Variants in GON4L observed in about 807,000 individuals in gnomAD.
GON4L encodes gon-4 like, also known as GON-4-like protein.
GON4L carries 87 observed loss-of-function variants against 211.8 expected under a neutral mutation model. That is an observed-to-expected ratio of 0.41 (90% CI 0.35 to 0.49). The LOEUF (loss-of-function observed/expected upper bound fraction) is 0.49. GON4L is among the 20% of genes least tolerant of loss of function. The probability of loss-of-function intolerance (pLI) is 0.15; values close to 1 mark genes in which losing one functional copy is unlikely to be tolerated. For missense variants in GON4L, 2,155 were observed against 2,659.5 expected (o/e 0.81, Z 4.17); for synonymous variants, 875 against 962.6 (o/e 0.91, Z 1.68).
rs1463278188 is a variant in GON4L, at chr1:155,773,169, G to C, written c.2392C>G (p.Leu798Val). The change falls in exon 18 of 32, where the codon CTG becomes GTG. Residue 798 changes from leucine to valine, a missense_variant. Leu to Val is a conservative substitution (Grantham distance 32). Around this residue, in one of 6 missense-constraint regions of GON4L, gnomAD observed 551 missense variants for 854.0 expected, o/e 0.65. Coordinates refer to ENST00000368331, the MANE Select transcript of GON4L (RefSeq NM_001282860.2). ...PCLPKQVAWI[L>V]ATSKVFMYPE... Reference sequence around the variant, plus strand: ...TACATGAAAACCTTGCTTGTGGCCAGAATCCAAGCCACTTGCTTTGGCAAA... The same window carrying C: ...TACATGAAAACCTTGCTTGTGGCCACAATCCAAGCCACTTGCTTTGGCAAA... 1 of 1,614,078 alleles carries C rather than the reference G, an allele frequency of 6.2e-7. No individual in the cohort carries two copies. The highest frequency in any genetic ancestry group is 1.3e-5 in the African/African-American group (1 of 75,028).
chr1:155,764,602 G>A lies in GON4L; in HGVS notation c.4473+398C>T, dbSNP rs1662231181. ...TTACAGGTGTCCGCCACCATGCCTG[G>A]CTAATTTTTGTTATTTTTAATATAG... is the stretch of plus-strand genomic sequence containing the variant. On this transcript the variant is annotated intron_variant, in intron 21 of 31. Transcript: ENST00000368331. 3 of 413,888 alleles carry A rather than the reference G, an allele frequency of 7.2e-6. No homozygotes were observed. The Admixed American group carries it at 1.1e-4, about 15-fold the overall frequency. The allele number at this position is 413,888 out of a possible 1,614,324, so 25.6% of individuals were successfully genotyped here.
downstream of GON4L, chr1:155,747,776 G>C: frequency 1.9e-6 from 3 of 1,613,878 alleles, no homozygotes; most frequent in Non-Finnish European, 2.5e-6. Flanking sequence ...TCCAGATCCT[G>C]TGTGACCTGC....
Position 155,765,318 on chromosome 1 carries a change from C to G in GON4L, c.4155G>C (p.Gln1385His). Reference sequence around the variant, plus strand: ...GAGAAGATGAAGGGGTTTTAGTTGGCTGACTCCTCTCCTCTTCCTTCTGTA... The same window carrying G: ...GAGAAGATGAAGGGGTTTTAGTTGGGTGACTCCTCTCCTCTTCCTTCTGTA... The part of the protein sequence containing the change: ...TVLQKEEERS[Q>H]PTKTPSSSQE... The change falls in exon 21 of 32, where the codon CAG becomes CAC. Residue 1385 changes from glutamine (Q) to histidine (H), a missense_variant. Physicochemically the swap from Gln to His is conservative, Grantham distance 24. Around this residue, in one of 6 missense-constraint regions of GON4L, gnomAD observed 615 missense variants for 625.7 expected, o/e 0.98. Transcript: ENST00000368331. The G allele has an allele frequency of 6.2e-7, 1 of 1,614,178 alleles. No individual in the cohort carries two copies. Among genetic ancestry groups the G allele is most frequent in the Non-Finnish European group, 8.5e-7 (1 of 1,180,020 alleles).
At chr1:155,840,473 C>CTATATAAAAAAAAAAAAAAAAA (rs1670671009) in intron 2 of GON4L, among the ~76,000 whole-genome samples, 2 of 152,168 alleles carry the variant, frequency 1.3e-5, no homozygotes, top group African/African-American at 2.4e-5. Context: ...TGGGCTTTAT[C>CTATATAAAAAAAAAAAAAAAAA]AAAGCTATAA....
intron 22 of GON4L, 149 bp from the exon 23 acceptor site, chr1:155,762,523 G>T (rs1196260879): frequency 1.6e-6 from 1 of 641,570 alleles, no homozygotes; most frequent in East Asian, 2.8e-5. Context: ...TGAGAACTAA[G>T]TCCGTCAAGT....
chr1:155,745,821 A>G (rs542600019), downstream of GON4L: 7,740 of 617,830 alleles, frequency 0.013, 75 homozygotes, highest in Non-Finnish European at 0.018. Flanking sequence ...CCCGTGGAGC[A>G]GCGCAGTATG....
At chr1:155,803,939 T>C (rs563492959) in intron 11 of GON4L, among the ~76,000 whole-genome samples, 3 of 152,318 alleles carry the variant, frequency 2.0e-5, no homozygotes, top group African/African-American at 7.2e-5. Context: ...AGTGCCTCAG[T>C]TCCACTGCTG....
At chr1:155,813,583 A>C (rs1667977172) in intron 10 of GON4L, 51 bp downstream of exon 10, 1 of 1,339,410 alleles carries the variant, frequency 7.5e-7, no homozygotes, top group Non-Finnish European at 1.1e-6. Context: ...CTGAGCAACA[A>C]CTACATTACT....
At chr1:155,829,895 A>G (rs1370621758) in intron 2 of GON4L, among the ~76,000 whole-genome samples, 1 of 152,066 alleles carries the variant, frequency 6.6e-6, no homozygotes, top group Non-Finnish European at 1.5e-5. Context: ...CATTTCCTCT[A>G]GAGTATGAAA....
Position 155,766,250 on chromosome 1 carries a change from C to G in GON4L, c.3223G>C (p.Val1075Leu), listed in dbSNP as rs185584587. 1 of 1,614,128 alleles carries G rather than the reference C, an allele frequency of 6.2e-7. No individual in the cohort carries two copies. The highest frequency in any genetic ancestry group is 1.1e-5 in the South Asian group (1 of 91,078). The change falls in exon 21 of 32, where the codon GTG becomes CTG. Residue 1075 changes from valine to leucine, a missense_variant. Physicochemically the swap from Val to Leu is conservative, Grantham distance 32. Coordinates refer to ENST00000368331, the MANE Select transcript of GON4L (RefSeq NM_001282860.2). ...AAGCTTGTCCTGGCCTCAGGGGGCA[C>G]AGCAGGCAGTGCTGCAGGAGACTCA... is the stretch of plus-strand genomic sequence containing the variant. Reference protein sequence around the residue: ...SFESPAALPAVPPEARTSFPL... With the variant: ...SFESPAALPALPPEARTSFPL...
In GON4L at chr1:155,763,209, G is replaced by A. The variant is rs532480331; in HGVS notation, c.4726+103C>T. The A allele has an allele frequency of 4.1e-5, 45 of 1,092,820 alleles. No homozygotes were observed. The African/African-American group carries it at 6.1e-4, about 15-fold the overall frequency. 67.7% of individuals were successfully genotyped at this position (1,092,820 alleles called of 1,614,324 possible). On this transcript the variant is annotated intron_variant, in intron 22 of 31. Coordinates refer to ENST00000368331, the MANE Select transcript of GON4L (RefSeq NM_001282860.2). Reference sequence around the variant, plus strand: ...AGAAGAGATCCAGAGGGTTTCCTCTGGAAATCCTCCACCTGGTTTATAAGC... The same window carrying A: ...AGAAGAGATCCAGAGGGTTTCCTCTAGAAATCCTCCACCTGGTTTATAAGC...
Position 155,827,123 on chromosome 1 carries a change from C to T in GON4L, c.506-95G>A. ...TCTTATTATAGTGTTTTTAGGTAGACAACTTCATGAATTAAGCATATACTA... is the reference window on the plus strand; with the variant it reads ...TCTTATTATAGTGTTTTTAGGTAGATAACTTCATGAATTAAGCATATACTA... On this transcript the variant is annotated intron_variant, in intron 2 of 31. Coordinates refer to ENST00000368331, the MANE Select transcript of GON4L (RefSeq NM_001282860.2). The T allele has an allele frequency of 1.3e-5, 12 of 918,344 alleles. No homozygotes were observed. In the South Asian group the frequency reaches 1.6e-4, roughly 12 times the overall value. 56.9% of individuals were successfully genotyped at this position (918,344 alleles called of 1,614,324 possible).
At chr1:155,809,821 A>G in intron 10 of GON4L, among the ~76,000 whole-genome samples, 1 of 20,254 alleles carries the variant, frequency 4.9e-5, no homozygotes, top group African/African-American at 9.0e-5. Flanking sequence ...ATACTTATAT[A>G]TAATTATAAA....
At position 155,790,990 on chromosome 1, in the gene GON4L, A is replaced by G. The variant is rs185645687; in HGVS notation, c.1747+4060T>C. Among the ~76,000 whole-genome samples, 68 of 151,240 alleles carry G rather than the reference A, an allele frequency of 4.5e-4. No homozygotes were observed. The East Asian group carries it at 0.011, about 24-fold the overall frequency. ...GAAAGTAGGTGGTGAGGCTGGGCGC[A>G]GTGGCTCGCGCTTGTAATCCCAGCA... On this transcript the variant is annotated intron_variant, in intron 12 of 31. Transcript: ENST00000368331.
rs537079410 is a variant in GON4L, at chr1:155,810,512, C to T, written c.1452+3122G>A. On this transcript the variant is annotated intron_variant, in intron 10 of 31. Transcript: ENST00000368331. ...CATGAGGTCAGGAGATCGAGACCAT[C>T]CTGGCTAACACAGTGAAACCCCGTC... Among the ~76,000 whole-genome samples the T allele has an allele frequency of 7.6e-4, 114 of 150,542 alleles. 1 individual carries two copies. Among genetic ancestry groups the T allele is most frequent in the African/African-American group, 2.6e-3 (107 of 41,058 alleles).
At chr1:155,748,621 C>T (rs1175283144), downstream of GON4L, 61 of 1,613,138 alleles carry the variant, frequency 3.8e-5, no homozygotes, top group Non-Finnish European at 7.6e-6. Context: ...ACAGCAGGAG[C>T]AATCATCCCT....
At chr1:155,758,288 G>C (rs1661400481) in intron 24 of GON4L, among the ~76,000 whole-genome samples, 1 of 152,212 alleles carries the variant, frequency 6.6e-6, no homozygotes, top group African/African-American at 2.4e-5. Flanking sequence ...CAAGTTGTTT[G>C]CTGTTTTAAG....
chr1:155,747,691 G>C, downstream of GON4L: 1 of 1,613,882 alleles, frequency 6.2e-7, no homozygotes, highest in Non-Finnish European at 8.5e-7. Context: ...GTAGTGGCGT[G>C]GCAATGTGCA....
chr1:155,796,786 T>C (rs1168321472), intron 11 of GON4L, among the ~76,000 whole-genome samples: 2 of 151,848 alleles, frequency 1.3e-5, no homozygotes, highest in Admixed American at 1.3e-4. Flanking sequence ...ATTAGCCACA[T>C]GTGACTTGAG....
Sources: gnomAD v4.1 joint callset for allele counts (sites outside exome capture counted in the v4.1 genomes callset) on GRCh38, gnomAD v4.1.1 for gene constraint, gnomAD v4.1.1 regional missense constraint, MANE v1.5 for transcripts, NCBI Gene and HGNC (gene_info 2026-07-23, HGNC 2026-07-21) for gene names.